The following ZNF585B variants were observed in gnomAD, a reference collection of about 807,000 sequenced individuals.
ZNF585B encodes zinc finger protein 41-like protein.
Under a neutral mutation model 14.0 loss-of-function variants are expected in ZNF585B, and 7 were observed. That is an observed-to-expected ratio of 0.50 (90% confidence interval 0.28 to 0.94). ZNF585B has a LOEUF of 0.94. Among genes scored for constraint, ZNF585B ranks in the 40% least tolerant of loss-of-function variants. The probability of loss-of-function intolerance (pLI) is 0.09; values close to 1 mark genes in which losing one functional copy is unlikely to be tolerated. For synonymous variants in ZNF585B, 290 were observed against 317.3 expected (o/e 0.91, Z 0.91); for missense variants, 750 against 924.4 (o/e 0.81, Z 2.45).
At chr19:37,207,291 A>G in intron 1 of ZNF585B, 37 bp from the exon 2 acceptor site, 25 of 1,390,750 alleles carry the variant, frequency 1.8e-5, no homozygotes, top group Non-Finnish European at 2.4e-5. Context: ...TTCAACATTC[A>G]CTACATAAAC....
intron 1 of ZNF585B, among the ~76,000 whole-genome samples, chr19:37,208,991 C>CA (rs201758682): frequency 7.0e-6 from 1 of 143,560 alleles, no homozygotes; most frequent in Non-Finnish European, 1.5e-5. Flanking sequence ...GACTCTGTCT[C>CA]AAAAAAAAAA....
rs1972331642 is a variant in ZNF585B at position 37,186,222 on chromosome 19, T to A, written c.1315A>T (p.Lys439Ter). Residue 439 changes from lysine (K) to a stop codon, truncating the protein, a stop_gained, in exon 5 of 5, where the codon AAA (lysine) becomes TAA (stop). Coordinates refer to ENST00000532828, the MANE Select transcript of ZNF585B (RefSeq NM_152279.4). LOFTEE classifies it low-confidence loss of function (END_TRUNC). ...QIIHTGEKPYKCGHCGKLFTS... is the reference protein window; with the variant it reads ...QIIHTGEKPY Reference sequence around the variant, plus strand: ...AACAATTTCCCACAGTGACCACATTTATAAGGTTTCTCTCCAGTATGAATT... The same window carrying A: ...AACAATTTCCCACAGTGACCACATTAATAAGGTTTCTCTCCAGTATGAATT... 1 of 1,613,954 alleles carries A rather than the reference T, an allele frequency of 6.2e-7. No homozygotes were observed. Among genetic ancestry groups the A allele is most frequent in the Admixed American group, 1.7e-5 (1 of 60,000 alleles).
chr19:37,204,537 G>A (rs1235679298), intron 2 of ZNF585B, among the ~76,000 whole-genome samples: 1 of 152,160 alleles, frequency 6.6e-6, no homozygotes, highest in Non-Finnish European at 1.5e-5. Context: ...AACCACAAAA[G>A]TGAATAAAAG....
rs1972593261 is a variant in ZNF585B at position 37,206,976 on chromosome 19, G to A, written c.72+64C>T. 5 of 1,599,936 alleles carry A rather than the reference G, an allele frequency of 3.1e-6. No individual in the cohort carries two copies. The East Asian group carries it at 1.1e-4, about 36-fold the overall frequency. On this transcript the variant is annotated intron_variant, in intron 2 of 4. Transcript: ENST00000532828. ...TGTCTGCCTCTGCCCTAAGGCTGTG[G>A]TGACAGATTAGAGCTATCTACTCTT...
chr19:37,187,176 G>A lies in ZNF585B; in HGVS notation c.361C>T (p.Gln121Ter). Residue 121 changes from glutamine to a stop codon, truncating the protein, a stop_gained, in exon 5 of 5, where the codon CAA (glutamine) becomes TAA (stop). Coordinates refer to ENST00000532828, the MANE Select transcript of ZNF585B (RefSeq NM_152279.4). LOFTEE classifies it low-confidence loss of function (END_TRUNC). ...GATTTTTCCCCAGAATAAATTTTTT[G>A]ATCTTGAGAGGAAGCTGGTTTATAA... ...IGYKPASSQD[Q>*]KIYSGEKSYE... The A allele has an allele frequency of 6.2e-7, 1 of 1,613,220 alleles. No individual in the cohort carries two copies. The highest frequency in any genetic ancestry group is 8.5e-7 in the Non-Finnish European group (1 of 1,179,808).
chr19:37,188,435 G>A (rs191739712), intron 4 of ZNF585B, among the ~76,000 whole-genome samples: 124 of 151,756 alleles, frequency 8.2e-4, no homozygotes, highest in Non-Finnish European at 1.4e-3. Flanking sequence ...GCAGTGAGCC[G>A]AGATCGTGCC....
At chr19:37,189,888 C>T in intron 3 of ZNF585B, 135 bp from the exon 4 acceptor site, 2 of 1,554,234 alleles carry the variant, frequency 1.3e-6, no homozygotes, top group South Asian at 1.2e-5. Context: ...TTCTGAGTAC[C>T]CTAAACAAAC....
rs1269179358 is a variant in ZNF585B at position 37,186,855 on chromosome 19, CTGAGTTA to C, written c.675_681del (p.Tyr225Ter). On this transcript the variant is annotated frameshift_variant, in exon 5 of 5. Coordinates refer to ENST00000532828, the MANE Select transcript of ZNF585B (RefSeq NM_152279.4). LOFTEE classifies it low-confidence loss of function (END_TRUNC). ...TGAATTTTCTCATGTATACTGAGAT[CTGAGTTA>C]TAAGGGAAACCTTTCCCACATTCAC... 6.2e-7 allele frequency: 1 copy of C among 1,613,794 alleles called. No individual in the cohort carries two copies. Among genetic ancestry groups the C allele is most frequent in the African/African-American group, 1.3e-5 (1 of 74,912 alleles).
At position 37,183,729 on chromosome 19, in the gene ZNF585B, T is replaced by G. The variant is rs1972286788; in HGVS notation, c.*1498A>C. The G allele has an allele frequency of 6.6e-6, 1 of 152,206 alleles. No homozygotes were observed. The highest frequency in any genetic ancestry group is 1.5e-5 in the Non-Finnish European group (1 of 68,010). 9.4% of individuals were successfully genotyped at this position (152,206 alleles called of 1,614,324 possible). The stretch of plus-strand genomic sequence containing the variant: ...AGGCACATGGCGGGGAAGGTCCTTG[T>G]GGGGTGCGTGGGACGAAGATGGACA... On this transcript the variant is annotated 3_prime_UTR_variant, in exon 5 of 5. Coordinates refer to ENST00000532828, the MANE Select transcript of ZNF585B (RefSeq NM_152279.4).
In ZNF585B at chr19:37,186,702, A is replaced by C; in HGVS notation, c.835T>G (p.Phe279Val). ...GCAATCAATTGTGTTTTCTGGATGA[A>C]GGCCTGCCCGCATTCAATACAGATG... Reference protein sequence around the residue: ...SYICIECGQAFIQKTQLIAHR... With the variant: ...SYICIECGQAVIQKTQLIAHR... Residue 279 changes from phenylalanine to valine, a missense_variant, in exon 5 of 5, where the codon TTC becomes GTC. By Grantham distance (50) the Phe-to-Val change is conservative. Coordinates refer to ENST00000532828, the MANE Select transcript of ZNF585B (RefSeq NM_152279.4). 1 of 1,614,192 alleles carries C rather than the reference A, an allele frequency of 6.2e-7. No homozygotes were observed. The highest frequency in any genetic ancestry group is 8.5e-7 in the Non-Finnish European group (1 of 1,180,052).
At position 37,185,123 on chromosome 19, in the gene ZNF585B, G is replaced by A; in HGVS notation, c.*104C>T. ...GAACAGCCATGTGTGACATTCTGAT[G>A]TGGTCATTTCTATTTACAATAATAT... On this transcript the variant is annotated 3_prime_UTR_variant, in exon 5 of 5. Coordinates refer to ENST00000532828, the MANE Select transcript of ZNF585B (RefSeq NM_152279.4). 6.9e-7 allele frequency: 1 copy of A among 1,443,920 alleles called. No homozygotes were observed. The highest frequency in any genetic ancestry group is 9.3e-7 in the Non-Finnish European group (1 of 1,075,432). 89.4% of individuals were successfully genotyped at this position (1,443,920 alleles called of 1,614,324 possible).
At chr19:37,187,737 A>G (rs1972355141) in intron 4 of ZNF585B, among the ~76,000 whole-genome samples, 1 of 152,174 alleles carries the variant, frequency 6.6e-6, no homozygotes, top group South Asian at 2.1e-4. Context: ...CTAGAGGGGA[A>G]GGTAAAAATG....
At position 37,194,569 on chromosome 19, in the gene ZNF585B, C is replaced by T. The variant is rs376344994; in HGVS notation, c.73-4419G>A. Among the ~76,000 whole-genome samples, 18 of 152,142 alleles carry T rather than the reference C, an allele frequency of 1.2e-4. No homozygotes were observed. In the East Asian group the frequency reaches 2.5e-3, roughly 21 times the overall value. ...TGGAGGTTGCAGTGAGCCAAAATCACGCCATTGCACTCCAGCCTGGGCAAC... is the reference window on the plus strand; with the variant it reads ...TGGAGGTTGCAGTGAGCCAAAATCATGCCATTGCACTCCAGCCTGGGCAAC... On this transcript the variant is annotated intron_variant, in intron 2 of 4. Coordinates refer to ENST00000532828, the MANE Select transcript of ZNF585B (RefSeq NM_152279.4).
At position 37,185,358 on chromosome 19, in the gene ZNF585B, A is replaced by T; in HGVS notation, c.2179T>A (p.Phe727Ile). ...TTATTCAAATTGGACCTGTTGCTAA[A>T]GGCCTTCCCACACTCAGCACACACG... is the stretch of plus-strand genomic sequence containing the variant. ...PYVCAECGKAFSNRSNLNKHQ... is the reference protein window; with the variant it reads ...PYVCAECGKAISNRSNLNKHQ... The change falls in exon 5 of 5, where the codon TTT becomes ATT. Residue 727 changes from phenylalanine (F) to isoleucine (I), a missense_variant. Phe to Ile is a conservative substitution (Grantham distance 21). Around this residue, in one of 2 missense-constraint regions of ZNF585B, gnomAD observed 233 missense variants for 354.1 expected, o/e 0.66. Transcript: ENST00000532828. 1 of 1,614,172 alleles carries T rather than the reference A, an allele frequency of 6.2e-7. No individual in the cohort carries two copies. The highest frequency in any genetic ancestry group is 8.5e-7 in the Non-Finnish European group (1 of 1,180,040).
rs1372010942 is a variant in ZNF585B at position 37,185,440 on chromosome 19, G to C, written c.2097C>G (p.Phe699Leu). The C allele has an allele frequency of 6.2e-7, 1 of 1,612,750 alleles. No individual in the cohort carries two copies. Among genetic ancestry groups the C allele is most frequent in the Non-Finnish European group, 8.5e-7 (1 of 1,179,478 alleles). Reference protein sequence around the residue: ...PYECSDCGKSFTKKSQLQVHQ... With the variant: ...PYECSDCGKSLTKKSQLQVHQ... ...GCACTTGGAGCTGTGATTTTTTAGT[G>C]AAAGACTTCCCACAGTCACTGCACT... The change falls in exon 5 of 5, where the codon TTC becomes TTG. Residue 699 changes from phenylalanine to leucine, a missense_variant. By Grantham distance (22) the Phe-to-Leu change is conservative (BLOSUM62 0). Coordinates refer to ENST00000532828, the MANE Select transcript of ZNF585B (RefSeq NM_152279.4).
chr19:37,202,782 A>T (rs1411094515), intron 2 of ZNF585B, among the ~76,000 whole-genome samples: 1 of 151,830 alleles, frequency 6.6e-6, no homozygotes, highest in African/African-American at 2.4e-5. Context: ...AGCTGGGATT[A>T]CAGGTATGTG....
chr19:37,197,468 T>C (rs1224494721), intron 2 of ZNF585B, among the ~76,000 whole-genome samples: 2 of 152,228 alleles, frequency 1.3e-5, no homozygotes, highest in Non-Finnish European at 2.9e-5. Context: ...TATAGTAGCA[T>C]GATTTATAAT....
At position 37,183,823 on chromosome 19, in the gene ZNF585B, TTATCTCA is replaced by T. The variant is rs955584654; in HGVS notation, c.*1397_*1403del. 2.6e-5 allele frequency: 4 copies of T among 152,030 alleles called. No homozygotes were observed. Among genetic ancestry groups the T allele is most frequent in the African/African-American group, 9.7e-5 (4 of 41,382 alleles). The allele number at this position is 152,030 out of a possible 1,614,324, so 9.4% of individuals were successfully genotyped here. On this transcript the variant is annotated 3_prime_UTR_variant, in exon 5 of 5. Coordinates refer to ENST00000532828, the MANE Select transcript of ZNF585B (RefSeq NM_152279.4). ...TTATCAATTTCATATGATTTATGATTTATCTCATATCTCATATAATGTAAGATAATGA... is the reference window on the plus strand; with the variant it reads ...TTATCAATTTCATATGATTTATGATTTATCTCATATAATGTAAGATAATGA...
Position 37,201,474 on chromosome 19 carries a change from ATATCT to A in ZNF585B, c.72+5561_72+5565del, listed in dbSNP as rs933848237. ...TATGAAAGCCTCATAACTATATAAG[ATATCT>A]TATAAGTTACCAATAAAATCTTATT... is the stretch of plus-strand genomic sequence containing the variant. On this transcript the variant is annotated intron_variant, in intron 2 of 4. Transcript: ENST00000532828. Among the ~76,000 whole-genome samples, 90 of 152,326 alleles carry A rather than the reference ATATCT, an allele frequency of 5.9e-4. 1 individual carries two copies. The highest frequency in any genetic ancestry group is 1.7e-3 in the African/African-American group (72 of 41,578).
Sources: allele counts gnomAD v4.1 joint callset (sites outside exome capture counted in the v4.1 genomes callset), GRCh38; gene constraint gnomAD v4.1.1; regional missense constraint gnomAD v4.1.1; transcripts MANE v1.5; gene names NCBI Gene and HGNC (gene_info 2026-07-23, HGNC 2026-07-21).